ADGRL2: variants seen among roughly 807,000 people sequenced by gnomAD.
The protein encoded by ADGRL2 is adhesion G protein-coupled receptor L2.
Under a neutral mutation model 157.4 loss-of-function variants are expected in ADGRL2, and 44 were observed. The observed-to-expected ratio is 0.28, with a 90% CI of 0.22 to 0.36. The LOEUF (loss-of-function observed/expected upper bound fraction) is 0.36, where lower values mean the gene tolerates loss of function less well. Among genes scored for constraint, ADGRL2 ranks in the 10% least tolerant of loss-of-function variants. ADGRL2 has a pLI of 1.00. For missense variants in ADGRL2, 1,510 were observed against 1,768.9 expected (o/e 0.85, Z 2.63); for synonymous variants, 585 against 624.7 (o/e 0.94, Z 0.95).
intron 1 of ADGRL2, among the ~76,000 whole-genome samples, chr1:81,350,769 G>C (rs1927178): frequency 6.6e-6 from 1 of 151,992 alleles, no homozygotes; most frequent in Non-Finnish European, 1.5e-5. Context: ...ATTTGTTTAC[G>C]CATGCATTTG....
At chr1:81,978,087 A>C (rs1660685691) in intron 17 of ADGRL2, among the ~76,000 whole-genome samples, 1 of 151,432 alleles carries the variant, frequency 6.6e-6, no homozygotes, top group East Asian at 1.9e-4. Flanking sequence ...TAAAAAAAAA[A>C]CACACTCTTA....
At chr1:81,485,341 A>G (rs2078477917) in intron 2 of ADGRL2, among the ~76,000 whole-genome samples, 1 of 152,128 alleles carries the variant, frequency 6.6e-6, no homozygotes. Context: ...TAACTCCAAT[A>G]AAAAGCCTAG....
intron 2 of ADGRL2, among the ~76,000 whole-genome samples, chr1:81,896,181 T>G (rs2094384583): frequency 6.6e-6 from 1 of 152,294 alleles, no homozygotes. Flanking sequence ...GCTAGTTTCT[T>G]TGTTGACAGT....
chr1:81,932,540 T>C (rs890708368), intron 3 of ADGRL2, among the ~76,000 whole-genome samples: 1 of 152,192 alleles, frequency 6.6e-6, no homozygotes, highest in African/African-American at 2.4e-5. Flanking sequence ...TTTAGTAAAG[T>C]ATCTAAACCT....
chr1:81,525,983 C>CA (rs1306858644), intron 2 of ADGRL2, among the ~76,000 whole-genome samples: 1 of 152,144 alleles, frequency 6.6e-6, no homozygotes, highest in African/African-American at 2.4e-5. Flanking sequence ...AGTGTATCCT[C>CA]ATCTTGGTGC....
intron 1 of ADGRL2, among the ~76,000 whole-genome samples, chr1:81,316,166 G>A (rs1471069603): frequency 6.6e-6 from 1 of 151,520 alleles, no homozygotes; most frequent in Admixed American, 6.6e-5. Context: ...AGGTAGACAA[G>A]GAGACACCAC....
chr1:81,699,641 C>T (rs1035558927), upstream of ADGRL2: 4 of 152,114 alleles, frequency 2.6e-5, no homozygotes, highest in Non-Finnish European at 2.9e-5. Flanking sequence ...AAATTCCTGA[C>T]GAAACACAGA....
At position 81,978,372 on chromosome 1, in the gene ADGRL2, G is replaced by A. The variant is rs148411771; in HGVS notation, c.3022-1497G>A. Among the ~76,000 whole-genome samples, 966 of 151,764 alleles carry A rather than the reference G, an allele frequency of 6.4e-3. 4 individuals are homozygous for A. Among genetic ancestry groups the A allele is most frequent in the Non-Finnish European group, 9.0e-3 (607 of 67,744 alleles). ...GTTATGGAAAATAAAGCCAGATAAT[G>A]TTTCTACAATTGTATTTACTTTTTC... is the stretch of plus-strand genomic sequence containing the variant. On this transcript the variant is annotated intron_variant, in intron 17 of 23. Transcript: ENST00000686636.
chr1:81,640,609 C>T (rs768796153), intron 3 of ADGRL2, among the ~76,000 whole-genome samples: 8 of 149,052 alleles, frequency 5.4e-5, no homozygotes, highest in South Asian at 4.3e-4. Flanking sequence ...TCCAGCCTAG[C>T]GACAGAGCCA....
intron 2 of ADGRL2, among the ~76,000 whole-genome samples, chr1:81,477,886 T>C (rs920575891): frequency 6.6e-6 from 1 of 152,162 alleles, no homozygotes; most frequent in African/African-American, 2.4e-5. Flanking sequence ...TTTTGAATGA[T>C]CCATCACTAC....
intron 1 of ADGRL2, among the ~76,000 whole-genome samples, chr1:81,723,920 G>A (rs1962525): frequency 0.32 from 48,590 of 151,916 alleles, 8,077 homozygotes; most frequent in Admixed American, 0.43. Context: ...CCACATAGGG[G>A]AAATGAGGGA....
At chr1:81,914,679 G>T (rs1384955516) in intron 3 of ADGRL2, among the ~76,000 whole-genome samples, 1 of 152,044 alleles carries the variant, frequency 6.6e-6, no homozygotes, top group East Asian at 1.9e-4. Flanking sequence ...ATCTACTTAG[G>T]TTATTTTCTA....
At chr1:81,858,810 G>T (rs146262362) in intron 2 of ADGRL2, among the ~76,000 whole-genome samples, 1 of 152,004 alleles carries the variant, frequency 6.6e-6, no homozygotes, top group Non-Finnish European at 1.5e-5. Flanking sequence ...ATTTTTTCCC[G>T]GATGTAATAT....
chr1:81,598,597 A>G (rs2081281332), intron 3 of ADGRL2, among the ~76,000 whole-genome samples: 3 of 152,192 alleles, frequency 2.0e-5, no homozygotes, highest in Non-Finnish European at 4.4e-5. Flanking sequence ...TGCTAAGGAC[A>G]CTGGAACAAA....
rs549916994 is a variant in ADGRL2 at position 81,364,069 on chromosome 1, G to A, written c.-302+57560G>A. ...ATTTTTACATTCTGTAATAGTAAAGGATTTAAGTCATTTCCCAACACTTGC... is the reference window on the plus strand; with the variant it reads ...ATTTTTACATTCTGTAATAGTAAAGAATTTAAGTCATTTCCCAACACTTGC... On this transcript the variant is annotated intron_variant, in intron 1 of 24. Transcript: ENST00000370721. Among the ~76,000 whole-genome samples, 4 of 152,154 alleles carry A rather than the reference G, an allele frequency of 2.6e-5. No homozygotes were observed. In the South Asian group the frequency reaches 8.3e-4, roughly 32 times the overall value.
chr1:81,495,057 T>C (rs970727620), intron 2 of ADGRL2, among the ~76,000 whole-genome samples: 10 of 152,238 alleles, frequency 6.6e-5, no homozygotes, highest in African/African-American at 2.4e-4. Flanking sequence ...CTAATTCAAA[T>C]GAATCAGGGT....
intron 2 of ADGRL2, among the ~76,000 whole-genome samples, chr1:81,882,104 C>T (rs957838467): frequency 3.3e-5 from 5 of 152,050 alleles, no homozygotes; most frequent in African/African-American, 9.7e-5. Context: ...TGAAGAAAAA[C>T]GTGGACATAG....
chr1:81,919,410 C>T (rs2094930026), intron 3 of ADGRL2, among the ~76,000 whole-genome samples: 1 of 152,010 alleles, frequency 6.6e-6, no homozygotes, highest in South Asian at 2.1e-4. Context: ...CCCCCTTCTT[C>T]TCCTCCTAAT....
At chr1:81,529,778 A>G (rs78487214) in intron 2 of ADGRL2, among the ~76,000 whole-genome samples, 2,420 of 152,334 alleles carry the variant, frequency 0.016, 65 homozygotes, top group African/African-American at 0.055. Context: ...TAACAAAGCC[A>G]GTAAATAGTA....
Sources: allele counts gnomAD v4.1 joint callset (sites outside exome capture counted in the v4.1 genomes callset), GRCh38; gene constraint gnomAD v4.1.1; transcripts MANE v1.5; gene names NCBI Gene and HGNC (gene_info 2026-07-23, HGNC 2026-07-21).